ITPR2: variants seen among roughly 807,000 people sequenced by gnomAD.
ITPR2 encodes inositol 1,4,5-trisphosphate receptor type 2, also known as inositol 1,4,5-trisphosphate-gated calcium channel ITPR2.
A neutral mutation model predicts 317.1 loss-of-function variants in ITPR2; 207 were observed. That is an observed-to-expected ratio of 0.65 (90% CI 0.58 to 0.73). The LOEUF is 0.73. Ranked by LOEUF, ITPR2 falls within the 30% of genes least tolerant of loss-of-function variation. The pLI, the probability that ITPR2 is intolerant of heterozygous loss-of-function variation, is 0.00. For missense variants in ITPR2, 2,613 were observed against 3,284.0 expected (o/e 0.80, Z 4.99); for synonymous variants, 1,156 against 1,149.1 (o/e 1.01, Z -0.12).
At position 26,831,568 on chromosome 12, in the gene ITPR2, T is replaced by C. The variant is rs2137317352; in HGVS notation, c.92+1122A>G. Among the ~76,000 whole-genome samples, 1 of 152,076 alleles carries C rather than the reference T, an allele frequency of 6.6e-6. No individual in the cohort carries two copies. The highest frequency in any genetic ancestry group is 2.4e-5 in the African/African-American group (1 of 41,474). ...CAACGAGGTAACAAAAAATTTCCTG[T>C]GCATCAAAATATACTGCAGCGTGCA... is the stretch of plus-strand genomic sequence containing the variant. On this transcript the variant is annotated intron_variant, in intron 1 of 56. Transcript: ENST00000381340. This position sits in a 1 kb window ranked among gnomAD's most constrained non-coding sequence, Gnocchi z 4.9.
intron 42 of ITPR2, 103 bp downstream of exon 42, chr12:26,483,595 A>T (rs1207366639): frequency 1.2e-6 from 1 of 813,642 alleles, no homozygotes; most frequent in East Asian, 2.4e-5. Context: ...GAAAGTAAAA[A>T]TGTCTGGCAA....
At chr12:26,573,084 G>A (rs1945202326) in intron 34 of ITPR2, among the ~76,000 whole-genome samples, 1 of 151,740 alleles carries the variant, frequency 6.6e-6, no homozygotes, top group Admixed American at 6.6e-5. Context: ...GAGTGTAGTG[G>A]TGCGAACATA....
intron 21 of ITPR2, among the ~76,000 whole-genome samples, chr12:26,645,829 T>C (rs1438102963): frequency 3.3e-5 from 5 of 152,320 alleles, no homozygotes; most frequent in Non-Finnish European, 2.9e-5. Flanking sequence ...GACACTAGCT[T>C]GTACGTATGT....
intron 37 of ITPR2, among the ~76,000 whole-genome samples, chr12:26,532,174 G>T (rs2136961976): frequency 6.6e-6 from 1 of 152,196 alleles, no homozygotes; most frequent in African/African-American, 2.4e-5. Flanking sequence ...ATTGAGGCTT[G>T]GCTATATCAC....
chr12:26,360,999 A>C lies in ITPR2; in HGVS notation c.7858-20671T>G, dbSNP rs555369153. 1.9e-3 allele frequency among the ~76,000 whole-genome samples: 294 copies of C among 152,232 alleles called. 2 individuals are homozygous for C. Among genetic ancestry groups the C allele is most frequent in the African/African-American group, 6.9e-3 (286 of 41,554 alleles). Reference sequence around the variant, plus strand: ...GACGCCGAGGGCAGTGGATCACCTGAGGTCAGGAGTTTGAGACCAGCCTGG... The same window carrying C: ...GACGCCGAGGGCAGTGGATCACCTGCGGTCAGGAGTTTGAGACCAGCCTGG... On this transcript the variant is annotated intron_variant, in intron 55 of 56. Coordinates refer to ENST00000381340, the MANE Select transcript of ITPR2 (RefSeq NM_002223.4).
intron 55 of ITPR2, among the ~76,000 whole-genome samples, chr12:26,386,468 G>T (rs1939666996): frequency 6.6e-6 from 1 of 152,168 alleles, no homozygotes; most frequent in Admixed American, 6.5e-5. Context: ...TTATTAATAT[G>T]TTATCCTCCA....
Position 26,335,441 on chromosome 12 carries a change from T to A in ITPR2, c.*3956A>T, listed in dbSNP as rs1937888844. Reference sequence around the variant, plus strand: ...CGTGTTTTTTAGGCAAATATAACAATCCTCTACTGCAGGAGAGAAAGTCTT... The same window carrying A: ...CGTGTTTTTTAGGCAAATATAACAAACCTCTACTGCAGGAGAGAAAGTCTT... On this transcript the variant is annotated 3_prime_UTR_variant, in exon 57 of 57. Coordinates refer to ENST00000381340, the MANE Select transcript of ITPR2 (RefSeq NM_002223.4). 6.6e-6 allele frequency among the ~76,000 whole-genome samples: 1 copy of A among 152,160 alleles called. No individual in the cohort carries two copies. Among genetic ancestry groups the A allele is most frequent in the Non-Finnish European group, 1.5e-5 (1 of 68,032 alleles).
intron 2 of ITPR2, among the ~76,000 whole-genome samples, chr12:26,761,196 G>A (rs982150617): frequency 1.3e-5 from 2 of 152,200 alleles, no homozygotes; most frequent in African/African-American, 4.8e-5. Context: ...TACTGACCCA[G>A]GCACCAGGCC....
intron 4 of ITPR2, among the ~76,000 whole-genome samples, chr12:26,724,452 T>C (rs115791049): frequency 0.013 from 1,906 of 152,316 alleles, 36 homozygotes; most frequent in African/African-American, 0.043. Flanking sequence ...CACTTCTTTA[T>C]GTGTAAAATC....
chr12:26,387,722 T>C, intron 54 of ITPR2, 128 bp from the exon 55 acceptor site: 1 of 808,480 alleles, frequency 1.2e-6, no homozygotes, highest in Non-Finnish European at 1.9e-6. Flanking sequence ...CAATTTAAAA[T>C]GCTATGATTA....
At chr12:26,455,164 T>C (rs1467652083) in intron 45 of ITPR2, among the ~76,000 whole-genome samples, 1 of 151,640 alleles carries the variant, frequency 6.6e-6, no homozygotes, top group Non-Finnish European at 1.5e-5. Context: ...AGATGTAAAA[T>C]CGGGGGTGGA....
At chr12:26,341,435 A>G (rs1160390951) in intron 55 of ITPR2, among the ~76,000 whole-genome samples, 2 of 152,160 alleles carry the variant, frequency 1.3e-5, no homozygotes, top group Admixed American at 6.5e-5. Flanking sequence ...TCCCTAAGTG[A>G]CAGTGGCAAG....
rs369786831 is a variant in ITPR2 at position 26,814,090 on chromosome 12, G to GT, written c.92+18599dup. Among the ~76,000 whole-genome samples, 1,126 of 152,216 alleles carry GT rather than the reference G, an allele frequency of 7.4e-3. 19 individuals carry two copies. Among genetic ancestry groups the GT allele is most frequent in the African/African-American group, 0.026 (1,084 of 41,520 alleles). On this transcript the variant is annotated intron_variant, in intron 1 of 56. Coordinates refer to ENST00000381340, the MANE Select transcript of ITPR2 (RefSeq NM_002223.4). ...CCATTGCAACAGTAATAACCATAGT[G>GT]TTTTTTTCTGGAGTTTAGGGGAATG...
At chr12:26,662,539 T>C (rs1266003371) in intron 15 of ITPR2, among the ~76,000 whole-genome samples, 1 of 152,186 alleles carries the variant, frequency 6.6e-6, no homozygotes, top group Non-Finnish European at 1.5e-5. Flanking sequence ...AACTCATCAA[T>C]GAAACTTACA....
intron 21 of ITPR2, among the ~76,000 whole-genome samples, chr12:26,647,047 C>T (rs1947129629): frequency 6.6e-6 from 1 of 152,144 alleles, no homozygotes; most frequent in South Asian, 2.1e-4. Flanking sequence ...GGCAGGAAGA[C>T]AACAGTGAAA....
intron 16 of ITPR2, 120 bp downstream of exon 16, chr12:26,658,993 A>G (rs988339454): frequency 1.4e-6 from 1 of 706,710 alleles, no homozygotes; most frequent in African/African-American, 1.8e-5. Flanking sequence ...CAATAAGCCC[A>G]ACATAGTTCG....
At chr12:26,412,294 T>G (rs1940575646) in intron 51 of ITPR2, among the ~76,000 whole-genome samples, 1 of 152,092 alleles carries the variant, frequency 6.6e-6, no homozygotes, top group Admixed American at 6.5e-5. Context: ...GAAGGAAACA[T>G]GAGGAGGAGG....
At chr12:26,786,992 C>T (rs1263126510) in intron 2 of ITPR2, among the ~76,000 whole-genome samples, 3 of 151,344 alleles carry the variant, frequency 2.0e-5, no homozygotes, top group East Asian at 3.9e-4. Context: ...GGCAAATCTA[C>T]GAAACAGCAA....
At chr12:26,554,717 A>G (rs1490840848) in intron 36 of ITPR2, among the ~76,000 whole-genome samples, 2 of 152,124 alleles carry the variant, frequency 1.3e-5, no homozygotes, top group African/African-American at 2.4e-5. Context: ...CATATTCCAT[A>G]CACTGACATA....
Sources: allele counts gnomAD v4.1 joint callset (sites outside exome capture counted in the v4.1 genomes callset), GRCh38; gene constraint gnomAD v4.1.1; non-coding constraint Gnocchi (gnomAD v3.1); transcripts MANE v1.5; gene names NCBI Gene and HGNC (gene_info 2026-07-23, HGNC 2026-07-21).